The following PACRG variants were observed in gnomAD, a reference collection of about 807,000 sequenced individuals.
PACRG encodes the protein parkin coregulated gene protein.
A neutral mutation model predicts 29.7 loss-of-function variants in PACRG; 29 were observed. The observed-to-expected ratio is 0.98, with a 90% confidence interval of 0.73 to 1.33. The LOEUF (loss-of-function observed/expected upper bound fraction) is 1.33. Among genes scored for constraint, PACRG ranks in the 40% most tolerant of loss-of-function variants. The pLI is 0.00. For missense variants in PACRG, 279 were observed against 316.2 expected (o/e 0.88, Z 0.89); for synonymous variants, 116 against 118.7 (o/e 0.98, Z 0.15).
chr6:163,312,704 C>T, intron 4 of PACRG: 1 of 375,440 alleles, frequency 2.7e-6, no homozygotes, highest in South Asian at 2.0e-5. Context: ...AGGGCAAGGA[C>T]CCTTTTGTTT....
chr6:162,903,748 C>A (rs942474901), intron 2 of PACRG, among the ~76,000 whole-genome samples: 1 of 152,110 alleles, frequency 6.6e-6, no homozygotes, highest in African/African-American at 2.4e-5. Flanking sequence ...CTGTCTCTTA[C>A]TTTTTTGTCT....
At chr6:163,096,911 A>G (rs1469642009) in intron 4 of PACRG, among the ~76,000 whole-genome samples, 4 of 152,236 alleles carry the variant, frequency 2.6e-5, no homozygotes, top group African/African-American at 9.6e-5. Flanking sequence ...CCTTTCCCAT[A>G]TGTCAGCAGT....
chr6:163,213,891 A>G (rs1585338963), intron 4 of PACRG, among the ~76,000 whole-genome samples: 1 of 152,270 alleles, frequency 6.6e-6, no homozygotes, highest in East Asian at 1.9e-4. Flanking sequence ...ATAAAGATCT[A>G]GCTGTACATT....
chr6:163,181,005 C>T (rs1379572967), intron 4 of PACRG, among the ~76,000 whole-genome samples: 1 of 152,118 alleles, frequency 6.6e-6, no homozygotes, highest in East Asian at 1.9e-4. Flanking sequence ...GGGTGTGAAC[C>T]CAGATAGGTC....
chr6:162,844,143 G>A (rs1790099692), intron 2 of PACRG, among the ~76,000 whole-genome samples: 1 of 147,630 alleles, frequency 6.8e-6, no homozygotes, highest in Non-Finnish European at 1.5e-5. Context: ...GAGCTTCCTG[G>A]CTGCTTTGTT....
At chr6:162,987,641 C>A (rs561062274) in intron 2 of PACRG, among the ~76,000 whole-genome samples, 1 of 152,270 alleles carries the variant, frequency 6.6e-6, no homozygotes, top group Non-Finnish European at 1.5e-5. Flanking sequence ...GCTTCCTCAG[C>A]CAGGCGGAAC....
intron 2 of PACRG, among the ~76,000 whole-genome samples, chr6:162,944,996 A>G (rs1798902037): frequency 6.6e-6 from 1 of 152,114 alleles, no homozygotes; most frequent in South Asian, 2.1e-4. Context: ...CTGATCCCCA[A>G]ATAGAAAGTG....
chr6:162,811,041 TA>T (rs1274329057), intron 1 of PACRG, among the ~76,000 whole-genome samples: 4 of 151,694 alleles, frequency 2.6e-5, no homozygotes, highest in South Asian at 4.2e-4. Flanking sequence ...GTGGCATAAC[TA>T]AAAAAAAGTG....
At chr6:163,243,227 C>T (rs1241158419) in intron 4 of PACRG, among the ~76,000 whole-genome samples, 3 of 152,198 alleles carry the variant, frequency 2.0e-5, no homozygotes, top group Non-Finnish European at 4.4e-5. Context: ...TCCCGAACAC[C>T]CAAGTCTCCC....
chr6:162,974,121 CA>C, intron 2 of PACRG, among the ~76,000 whole-genome samples: 1 of 152,246 alleles, frequency 6.6e-6, no homozygotes, highest in South Asian at 2.1e-4. Context: ...GAGCTTGAAG[CA>C]AAAGAGAAAG....
chr6:163,187,422 T>C (rs1779995838), intron 4 of PACRG, among the ~76,000 whole-genome samples: 1 of 152,068 alleles, frequency 6.6e-6, no homozygotes. Flanking sequence ...CCCCATCTCT[T>C]TGCAGCACTG....
intron 4 of PACRG, among the ~76,000 whole-genome samples, chr6:163,108,506 G>A (rs1815522023): frequency 6.7e-6 from 1 of 148,200 alleles, no homozygotes; most frequent in African/African-American, 2.5e-5. Context: ...GCAATCTCAG[G>A]CCTCAGTCCC....
chr6:162,885,389 C>G (rs1165551737), intron 2 of PACRG, among the ~76,000 whole-genome samples: 3 of 152,042 alleles, frequency 2.0e-5, no homozygotes, highest in Non-Finnish European at 4.4e-5. Context: ...CCTGCCTCAG[C>G]CTCCCAAGTA....
chr6:163,196,547 T>C (rs527742056), intron 4 of PACRG, among the ~76,000 whole-genome samples: 6 of 152,292 alleles, frequency 3.9e-5, no homozygotes, highest in African/African-American at 1.4e-4. Flanking sequence ...TACATAACAA[T>C]CTGCTTGGCA....
chr6:163,043,850 T>C (rs1244960536), intron 2 of PACRG, among the ~76,000 whole-genome samples: 1 of 152,136 alleles, frequency 6.6e-6, no homozygotes, highest in African/African-American at 2.4e-5. Context: ...TAAGTTCTGT[T>C]TGAGATGCAG....
At chr6:162,843,723 G>A (rs1790031830) in intron 2 of PACRG, among the ~76,000 whole-genome samples, 1 of 117,440 alleles carries the variant, frequency 8.5e-6, no homozygotes, top group Admixed American at 9.7e-5. Flanking sequence ...CCCCATCTTT[G>A]TGGTTTTATC....
chr6:162,872,948 A>G (rs1430036678), intron 2 of PACRG, among the ~76,000 whole-genome samples: 1 of 152,212 alleles, frequency 6.6e-6, no homozygotes, highest in Admixed American at 6.5e-5. Flanking sequence ...ACTAGGTATC[A>G]GAATCTCAAT....
intron 4 of PACRG, among the ~76,000 whole-genome samples, chr6:163,308,813 C>T (rs878892056): frequency 1.3e-5 from 2 of 152,190 alleles, no homozygotes; most frequent in Admixed American, 1.3e-4. Context: ...CCAGGGCTCG[C>T]TTTCTCTCTC....
intron 2 of PACRG, among the ~76,000 whole-genome samples, chr6:163,031,248 A>C (rs1010288723): frequency 6.6e-6 from 1 of 152,202 alleles, no homozygotes. Context: ...CAAATAAGTA[A>C]AATTATCCCA....
Sources: allele counts gnomAD v4.1 joint callset (sites outside exome capture counted in the v4.1 genomes callset), GRCh38; gene constraint gnomAD v4.1.1; transcripts MANE v1.5; gene names NCBI Gene and HGNC (gene_info 2026-07-23, HGNC 2026-07-21).